SIPA1L3: variants seen among roughly 807,000 people sequenced by gnomAD.
SIPA1L3 encodes signal-induced proliferation-associated 1-like protein 3.
In SIPA1L3, 59 loss-of-function variants were observed where a neutral mutation model predicts 150.1. The ratio of observed to expected loss-of-function variants is 0.39; its 90% CI spans 0.32 to 0.49. SIPA1L3 has a LOEUF of 0.49. Among genes scored for constraint, SIPA1L3 ranks in the 20% least tolerant of loss-of-function variants. The pLI, the probability that SIPA1L3 is intolerant of heterozygous loss-of-function variation, is 0.86. For missense variants in SIPA1L3, 2,211 were observed against 2,489.5 expected, an observed-to-expected ratio of 0.89 and a Z score of 2.38; for synonymous variants, 1,070 against 1,077.6, an observed-to-expected ratio of 0.99 and a Z score of 0.14.
In SIPA1L3 at chr19:38,198,418, G is replaced by A. The variant is rs1018395855; in HGVS notation, c.4870G>A (p.Ala1624Thr). ...STISASELSLADGRDRPLRRL... is the reference protein window; with the variant it reads ...STISASELSLTDGRDRPLRRL... ...CATCTCAGCCTCGGAGCTCTCGCTG[G>A]CTGATGGGCGGGACCGCCCCCTGCG... The change falls in exon 19 of 22, where the codon GCT becomes ACT. Residue 1624 changes from alanine to threonine, a missense_variant. Physicochemically the swap from Ala to Thr is moderately conservative, Grantham distance 58 (BLOSUM62 0). Around this residue, in one of 5 missense-constraint regions of SIPA1L3, gnomAD observed 806 missense variants for 870.1 expected, o/e 0.93. Transcript: ENST00000222345. 20 of 1,586,670 alleles carry A rather than the reference G, an allele frequency of 1.3e-5. No individual in the cohort carries two copies. Among genetic ancestry groups the A allele is most frequent in the African/African-American group, 4.1e-5 (3 of 73,248 alleles).
chr19:38,078,438 G>GCACGCACACA (rs112384687), intron 2 of SIPA1L3, among the ~76,000 whole-genome samples: 143 of 139,004 alleles, frequency 1.0e-3, no homozygotes, highest in African/African-American at 3.7e-3. Flanking sequence ...GCGCATACAT[G>GCACGCACACA]CACACACACA....
intron 15 of SIPA1L3, among the ~76,000 whole-genome samples, chr19:38,174,154 G>C (rs113464392): frequency 0.029 from 4,464 of 152,262 alleles, 219 homozygotes; most frequent in African/African-American, 0.1. Context: ...GCAGTGGTTG[G>C]TGGAGGTAGC....
At chr19:38,136,596 T>C (rs1971442337) in intron 10 of SIPA1L3, among the ~76,000 whole-genome samples, 1 of 152,044 alleles carries the variant, frequency 6.6e-6, no homozygotes, top group African/African-American at 2.4e-5. Context: ...ACAGCAAGAC[T>C]CCGTCTCAAA....
chr19:38,182,510 G>C lies in SIPA1L3; in HGVS notation c.4209-9G>C, dbSNP rs199736351. 1 of 1,576,856 alleles carries C rather than the reference G, an allele frequency of 6.3e-7. No individual in the cohort carries two copies. Among genetic ancestry groups the C allele is most frequent in the African/African-American group, 1.4e-5 (1 of 73,382 alleles). ...GGTTTTTTTTATCTCTTTCATTTTT[G>C]CTTTGCAGTGACATGGGCTCGAGGG... On this transcript the variant is annotated splice_polypyrimidine_tract_variant and intron_variant, in intron 15 of 21. Coordinates refer to ENST00000222345, the MANE Select transcript of SIPA1L3 (RefSeq NM_015073.3).
chr19:37,998,102 G>T (rs1423714183), intron 1 of SIPA1L3, among the ~76,000 whole-genome samples: 2 of 152,162 alleles, frequency 1.3e-5, no homozygotes, highest in African/African-American at 4.8e-5. Flanking sequence ...CCAGAGAGAA[G>T]AATGCTTAGG....
intron 2 of SIPA1L3, among the ~76,000 whole-genome samples, chr19:38,038,557 C>T (rs1255618565): frequency 1.5e-5 from 2 of 137,560 alleles, no homozygotes; most frequent in African/African-American, 5.6e-5. Context: ...CGTCACTGCA[C>T]TGTAGCCTGG....
chr19:38,043,470 C>A (rs1968973358), intron 2 of SIPA1L3, among the ~76,000 whole-genome samples: 1 of 152,204 alleles, frequency 6.6e-6, no homozygotes, highest in Admixed American at 6.5e-5. Flanking sequence ...GTTATCACTG[C>A]AGAAATATCG....
rs878876734 is a variant in SIPA1L3 at position 38,208,031 on chromosome 19, CTT to C, written c.*1807_*1808del. 2.4e-5 allele frequency: 3 copies of C among 125,266 alleles called. No individual in the cohort carries two copies. The highest frequency in any genetic ancestry group is 3.5e-5 in the Non-Finnish European group (2 of 57,842). 7.8% of individuals were successfully genotyped at this position (125,266 alleles called of 1,614,324 possible). On this transcript the variant is annotated 3_prime_UTR_variant, in exon 22 of 22. Transcript: ENST00000222345. ...CACCCCTTAGACCCTCATCGGGTCC[CTT>C]TTTTTTTTTTTTTTTCAGTTGTCTC...
chr19:38,100,957 C>T, intron 5 of SIPA1L3, 95 bp from the exon 6 acceptor site: 4 of 1,374,106 alleles, frequency 2.9e-6, no homozygotes, highest in Non-Finnish European at 1.9e-6. Context: ...GTCCCAGCAG[C>T]TCCCAGGGCC....
intron 18 of SIPA1L3, among the ~76,000 whole-genome samples, chr19:38,194,752 A>G (rs776371539): frequency 2.0e-5 from 3 of 152,058 alleles, no homozygotes; most frequent in Non-Finnish European, 4.4e-5. Context: ...TGTCTCCCCT[A>G]TTAAAACTCC....
Position 38,204,110 on chromosome 19 carries a change from G to A in SIPA1L3, c.5121-17G>A. On this transcript the variant is annotated splice_polypyrimidine_tract_variant and intron_variant, in intron 20 of 21. Coordinates refer to ENST00000222345, the MANE Select transcript of SIPA1L3 (RefSeq NM_015073.3). The stretch of plus-strand genomic sequence containing the variant: ...GGCTTTAGGGCCTCAGGCTGACCTT[G>A]TCCCTGGTTTTTCCAGCGAGGAGCC... 1.3e-6 allele frequency: 2 copies of A among 1,553,010 alleles called. No homozygotes were observed. The highest frequency in any genetic ancestry group is 1.7e-6 in the Non-Finnish European group (2 of 1,147,528).
At chr19:38,133,444 G>C (rs1246644422) in intron 10 of SIPA1L3, among the ~76,000 whole-genome samples, 2 of 152,188 alleles carry the variant, frequency 1.3e-5, no homozygotes, top group Non-Finnish European at 2.9e-5. Flanking sequence ...GAGAAGACAA[G>C]ATAAATACAG....
At chr19:37,951,644 A>G (rs1599833609) in intron 1 of SIPA1L3, among the ~76,000 whole-genome samples, 1 of 152,126 alleles carries the variant, frequency 6.6e-6, no homozygotes, top group Non-Finnish European at 1.5e-5. Flanking sequence ...CACACCTGTA[A>G]TCCCAGCACT....
intron 2 of SIPA1L3, among the ~76,000 whole-genome samples, chr19:38,030,250 G>A (rs926421687): frequency 3.9e-5 from 6 of 152,084 alleles, no homozygotes; most frequent in African/African-American, 1.2e-4. Flanking sequence ...CTATGTGAAT[G>A]TACTGGTTTC....
chr19:38,143,542 CTT>C (rs10669806), intron 12 of SIPA1L3, among the ~76,000 whole-genome samples: 1 of 79,988 alleles, frequency 1.3e-5, no homozygotes, highest in Admixed American at 1.8e-4. Context: ...CTTTCTGTGT[CTT>C]TTTTTTTTTT....
chr19:37,945,890 C>A lies in SIPA1L3; in HGVS notation c.-379+38532C>A, dbSNP rs569357852. 3.9e-5 allele frequency among the ~76,000 whole-genome samples: 6 copies of A among 152,102 alleles called. No individual in the cohort carries two copies. The South Asian group carries it at 1.2e-3, about 32-fold the overall frequency. ...AGACTTGTGGCTGGGCGTGGTGGCT[C>A]ACGCCTGTAATACCAGCACTTTGGG... On this transcript the variant is annotated intron_variant, in intron 1 of 21. Coordinates refer to ENST00000222345, the MANE Select transcript of SIPA1L3 (RefSeq NM_015073.3).
At chr19:37,926,629 C>T (rs970423151) in intron 1 of SIPA1L3, among the ~76,000 whole-genome samples, 5 of 152,100 alleles carry the variant, frequency 3.3e-5, no homozygotes, top group African/African-American at 4.8e-5. Context: ...GAGCCGTGCA[C>T]CTCCCTGTAG....
chr19:38,159,374 TG>T (rs1460498756), intron 13 of SIPA1L3, among the ~76,000 whole-genome samples: 1 of 152,202 alleles, frequency 6.6e-6, no homozygotes, highest in Non-Finnish European at 1.5e-5. Flanking sequence ...AGTTCTGAGT[TG>T]GGCGTATGCT....
chr19:38,041,593 T>TTTTTG (rs918886552), intron 2 of SIPA1L3, among the ~76,000 whole-genome samples: 1 of 148,034 alleles, frequency 6.8e-6, no homozygotes. Flanking sequence ...AATTTTTGTA[T>TTTTTG]TTTTGTTTTG....
Sources: gnomAD v4.1 joint callset for allele counts (sites outside exome capture counted in the v4.1 genomes callset) on GRCh38, gnomAD v4.1.1 for gene constraint, gnomAD v4.1.1 regional missense constraint, MANE v1.5 for transcripts, NCBI Gene and HGNC (gene_info 2026-07-23, HGNC 2026-07-21) for gene names.